Variants in AKAP6 observed in about 807,000 individuals in gnomAD.
The protein encoded by AKAP6 is A-kinase anchor protein 6.
A neutral mutation model predicts 188.5 loss-of-function variants in AKAP6; 58 were observed. That is an observed-to-expected ratio of 0.31 (90% CI 0.25 to 0.38). The LOEUF (loss-of-function observed/expected upper bound fraction) is 0.38, where lower values mean the gene tolerates loss of function less well. AKAP6 is among the 10% of genes least tolerant of loss of function. The pLI is 1.00. For missense variants in AKAP6, 2,710 were observed against 2,740.0 expected (o/e 0.99, Z 0.24); for synonymous variants, 989 against 998.6 (o/e 0.99, Z 0.18).
chr14:32,409,127 C>T (rs945884396), intron 1 of AKAP6, among the ~76,000 whole-genome samples: 2 of 152,032 alleles, frequency 1.3e-5, no homozygotes, highest in African/African-American at 4.8e-5. Context: ...TTGAACCTGG[C>T]AGGTGGAGGT....
At chr14:32,449,522 A>AC (rs1491099823) in intron 2 of AKAP6, among the ~76,000 whole-genome samples, 26 of 28,570 alleles carry the variant, frequency 9.1e-4, no homozygotes, top group East Asian at 2.0e-3. Context: ...ACTCCATCTC[A>AC]AAAAAAAAAA....
At chr14:32,588,852 A>G (rs1885362415) in intron 5 of AKAP6, among the ~76,000 whole-genome samples, 1 of 152,202 alleles carries the variant, frequency 6.6e-6, no homozygotes, top group South Asian at 2.1e-4. Flanking sequence ...ATGTTATATC[A>G]TATTTCTGAT....
chr14:32,760,468 G>A (rs1257179501), intron 11 of AKAP6, among the ~76,000 whole-genome samples: 2 of 152,150 alleles, frequency 1.3e-5, no homozygotes, highest in Non-Finnish European at 2.9e-5. Context: ...TATCAAACTA[G>A]GAGAAAACTC....
intron 11 of AKAP6, among the ~76,000 whole-genome samples, chr14:32,755,453 T>G (rs2032294877): frequency 6.6e-6 from 1 of 151,888 alleles, no homozygotes; most frequent in African/African-American, 2.4e-5. Flanking sequence ...GTTTTGTTAG[T>G]TGTTTGTTTT....
At chr14:32,593,514 A>G (rs185802843) in intron 5 of AKAP6, among the ~76,000 whole-genome samples, 74 of 152,310 alleles carry the variant, frequency 4.9e-4, no homozygotes, top group Admixed American at 1.1e-3. Flanking sequence ...TAGAAGGGAC[A>G]CATCTGCCTG....
At chr14:32,350,937 T>C (rs1887244624) in intron 1 of AKAP6, among the ~76,000 whole-genome samples, 1 of 152,162 alleles carries the variant, frequency 6.6e-6, no homozygotes, top group Non-Finnish European at 1.5e-5. Flanking sequence ...GGCATATGTT[T>C]TCCCAGATAT....
chr14:32,357,914 T>C (rs139990608), intron 1 of AKAP6, among the ~76,000 whole-genome samples: 1 of 152,232 alleles, frequency 6.6e-6, no homozygotes, highest in Non-Finnish European at 1.5e-5. Flanking sequence ...TCTCCTTGTA[T>C]GTGGTTTTGC....
rs1375411054 is a variant in AKAP6, at chr14:32,599,123, A to AT, written c.2470-286dup. Among the ~76,000 whole-genome samples, 5 of 152,304 alleles carry AT rather than the reference A, an allele frequency of 3.3e-5. No homozygotes were observed. In the East Asian group the frequency reaches 9.6e-4, roughly 29 times the overall value. On this transcript the variant is annotated intron_variant, in intron 5 of 13. Transcript: ENST00000280979. ...TGCTAGCAGAAATTCAGTATATTTTATAGAACACTGCTACTCTTGATATAG... is the reference window on the plus strand; with the variant it reads ...TGCTAGCAGAAATTCAGTATATTTTATTAGAACACTGCTACTCTTGATATAG...
At chr14:32,583,286 G>A (rs866696905) in intron 5 of AKAP6, among the ~76,000 whole-genome samples, 82 of 152,250 alleles carry the variant, frequency 5.4e-4, no homozygotes, top group African/African-American at 1.8e-3. Context: ...TATCAGCAGC[G>A]GTGGCTGCAG....
At chr14:32,403,496 G>A (rs1431032513) in intron 1 of AKAP6, 3 of 152,308 alleles carry the variant, frequency 2.0e-5, no homozygotes, top group East Asian at 3.9e-4. Context: ...CTGAAGTTCT[G>A]GTAGAGACAG....
intron 1 of AKAP6, among the ~76,000 whole-genome samples, chr14:32,378,531 A>G (rs1888232385): frequency 6.6e-6 from 1 of 152,182 alleles, no homozygotes; most frequent in Non-Finnish European, 1.5e-5. Flanking sequence ...GGAAGAGAGG[A>G]AAGTGGCTGA....
At chr14:32,799,829 C>G (rs1213140280) in intron 12 of AKAP6, among the ~76,000 whole-genome samples, 5 of 151,838 alleles carry the variant, frequency 3.3e-5, no homozygotes, top group African/African-American at 1.2e-4. Context: ...TAGATCAAGT[C>G]AAGTGATAAT....
chr14:32,391,774 C>T (rs1040116601), intron 1 of AKAP6, among the ~76,000 whole-genome samples: 4 of 152,264 alleles, frequency 2.6e-5, no homozygotes, highest in Non-Finnish European at 2.9e-5. Flanking sequence ...TACTGATGCT[C>T]CCCAGAAGCA....
intron 8 of AKAP6, among the ~76,000 whole-genome samples, chr14:32,685,854 A>G (rs1162930047): frequency 1.3e-5 from 2 of 152,152 alleles, no homozygotes; most frequent in African/African-American, 4.8e-5. Flanking sequence ...CTAAATTCGT[A>G]CAACCACTAT....
In AKAP6 at chr14:32,835,850, G is replaced by A. The variant is rs1468329853; in HGVS notation, c.*6045G>A. The stretch of plus-strand genomic sequence containing the variant: ...CCGTATAGCCACTTCTTTTTTAAAA[G>A]CAGCCACATACCTTCTATATAACAA... On this transcript the variant is annotated 3_prime_UTR_variant, in exon 14 of 14. Transcript: ENST00000280979. The A allele has an allele frequency of 6.6e-6, 1 of 152,204 alleles. No individual in the cohort carries two copies. Among genetic ancestry groups the A allele is most frequent in the African/African-American group, 2.4e-5 (1 of 41,450 alleles). The allele number at this position is 152,204 out of a possible 1,614,324, so 9.4% of individuals were successfully genotyped here.
intron 2 of AKAP6, among the ~76,000 whole-genome samples, chr14:32,475,327 TA>T (rs1449452546): frequency 5.3e-5 from 8 of 152,346 alleles, no homozygotes; most frequent in Non-Finnish European, 7.3e-5. Flanking sequence ...AGGGCATCTC[TA>T]AAGCCTTCTG....
intron 2 of AKAP6, among the ~76,000 whole-genome samples, chr14:32,466,311 G>C (rs1878427803): frequency 1.3e-5 from 2 of 152,276 alleles, no homozygotes; most frequent in Admixed American, 6.5e-5. Context: ...CAATAGCAAA[G>C]ACTTGGAACC....
At position 32,820,835 on chromosome 14, in the gene AKAP6, G is replaced by A. The variant is rs997632458; in HGVS notation, c.3589-567G>A. Among the ~76,000 whole-genome samples, 8 of 152,248 alleles carry A rather than the reference G, an allele frequency of 5.3e-5. No homozygotes were observed. In the East Asian group the frequency reaches 1.2e-3, roughly 22 times the overall value. ...TCCCTGAATAGGAACACAGAGGAAG[G>A]GGGGGTACACAGTCATGTGCCTCTG... On this transcript the variant is annotated intron_variant, in intron 12 of 13. Transcript: ENST00000280979.
chr14:32,393,749 C>T (rs549852706), intron 1 of AKAP6, among the ~76,000 whole-genome samples: 1 of 152,182 alleles, frequency 6.6e-6, no homozygotes, highest in Admixed American at 6.6e-5. Flanking sequence ...TTCTAGTTAT[C>T]TTCTTGGCTA....
Sources: allele counts gnomAD v4.1 joint callset (sites outside exome capture counted in the v4.1 genomes callset), GRCh38; gene constraint gnomAD v4.1.1; transcripts MANE v1.5; gene names NCBI Gene and HGNC (gene_info 2026-07-23, HGNC 2026-07-21).